Variants in PARP4 observed in about 807,000 individuals in gnomAD.
The protein encoded by PARP4 is protein mono-ADP-ribosyltransferase PARP4.
In PARP4, 120 loss-of-function variants were observed where a neutral mutation model predicts 187.7. That is an observed-to-expected ratio of 0.64 (90% CI 0.55 to 0.74). PARP4 has a LOEUF of 0.74. Ranked by LOEUF, PARP4 falls within the 30% of genes least tolerant of loss-of-function variation. PARP4 has a pLI of 0.00. For synonymous variants in PARP4, 654 were observed against 740.9 expected (o/e 0.88, Z 1.90); for missense variants, 1,836 against 2,070.5 (o/e 0.89, Z 2.20).
chr13:24,449,288 T>A (rs1332595026), intron 25 of PARP4, among the ~76,000 whole-genome samples: 4 of 148,058 alleles, frequency 2.7e-5, no homozygotes, highest in Non-Finnish European at 4.4e-5. Flanking sequence ...GTTGGGAGGC[T>A]GAGGCAGAAG....
intron 33 of PARP4, 53 bp from the exon 34 acceptor site, chr13:24,421,367 T>C (rs577307357): frequency 3.0e-6 from 2 of 673,248 alleles, no homozygotes; most frequent in South Asian, 2.0e-5. Flanking sequence ...TGAAATGTAA[T>C]GTGGTACTAA....
intron 33 of PARP4, among the ~76,000 whole-genome samples, chr13:24,423,953 G>A (rs908756341): frequency 2.6e-5 from 4 of 152,040 alleles, no homozygotes; most frequent in African/African-American, 9.7e-5. Context: ...GTGAGCCACC[G>A]TGCCCAGCAA....
At chr13:24,454,542 C>T (rs1871717745) in intron 22 of PARP4, among the ~76,000 whole-genome samples, 1 of 152,182 alleles carries the variant, frequency 6.6e-6, no homozygotes, top group African/African-American at 2.4e-5. Flanking sequence ...TTCCTGAGAC[C>T]ATTCCTTATA....
At chr13:24,470,842 C>T (rs1382412837) in intron 15 of PARP4, among the ~76,000 whole-genome samples, 3 of 151,176 alleles carry the variant, frequency 2.0e-5, no homozygotes, top group Non-Finnish European at 2.9e-5. Context: ...GGGTGCCAGG[C>T]AAAATTTTTC....
chr13:24,512,003 A>G (rs1870040300), intron 1 of PARP4, among the ~76,000 whole-genome samples: 1 of 152,242 alleles, frequency 6.6e-6, no homozygotes, highest in South Asian at 2.1e-4. Context: ...TGAGTCTGCA[A>G]CACGCACATC....
chr13:24,460,907 C>T (rs1327702070), intron 17 of PARP4, among the ~76,000 whole-genome samples: 1 of 152,102 alleles, frequency 6.6e-6, no homozygotes, highest in Non-Finnish European at 1.5e-5. Context: ...CCTCAAGTGA[C>T]TCTTCCACCT....
chr13:24,475,738 C>G, intron 14 of PARP4, 142 bp from the exon 15 acceptor site: 1 of 856,804 alleles, frequency 1.2e-6, no homozygotes, highest in South Asian at 1.7e-5. Flanking sequence ...TTTCAATAGC[C>G]AATTCTGAAA....
intron 17 of PARP4, among the ~76,000 whole-genome samples, chr13:24,466,176 A>G (rs376016148): frequency 6.6e-6 from 1 of 152,332 alleles, no homozygotes; most frequent in South Asian, 2.1e-4. Flanking sequence ...TTAGAGCAAC[A>G]ATCAAAACTT....
In PARP4 at chr13:24,493,625, TGAG is replaced by T. The variant is rs750893334; in HGVS notation, c.847_849del (p.Leu283del). 5.0e-6 allele frequency: 8 copies of T among 1,613,706 alleles called. No individual in the cohort carries two copies. The African/African-American group carries it at 1.1e-4, about 22-fold the overall frequency. ...TTGAGGCTAATCCTGTTCACTGGCT[TGAG>T]AAGCATGTGTTCCAGGTGGCCCAGG... On this transcript the variant is annotated inframe_deletion, in exon 8 of 34. Coordinates refer to ENST00000381989, the MANE Select transcript of PARP4 (RefSeq NM_006437.4).
chr13:24,421,307 G>A lies in PARP4; in HGVS notation c.4987C>T (p.Pro1663Ser). 6.3e-6 allele frequency: 8 copies of A among 1,268,302 alleles called. No homozygotes were observed. The highest frequency in any genetic ancestry group is 7.4e-6 in the Non-Finnish European group (7 of 942,634). 78.6% of individuals were successfully genotyped at this position (1,268,302 alleles called of 1,614,324 possible). Residue 1663 changes from proline (P) to serine (S), a missense_variant, in exon 34 of 34, where the codon CCC becomes TCC. By Grantham distance (74) the Pro-to-Ser change is moderately conservative. Transcript: ENST00000381989. ...TGCTTTATTGCCTCAAAAGCCCAGG[G>A]AATATTCCTAGATTAAAAAAAAAAG... ...MDDASISRNI[P>S]WAFEAIKQAS... is the part of the protein sequence containing the mutation.
chr13:24,488,235 G>A (rs1469281478), intron 10 of PARP4, among the ~76,000 whole-genome samples: 1 of 139,492 alleles, frequency 7.2e-6, no homozygotes, highest in African/African-American at 2.6e-5. Flanking sequence ...TTGCCCTCCT[G>A]ATTCTACCTT....
intron 4 of PARP4, among the ~76,000 whole-genome samples, chr13:24,499,647 C>T (rs9578749): frequency 0.41 from 62,223 of 151,872 alleles, 13,091 homozygotes; most frequent in South Asian, 0.59. Flanking sequence ...ATGGTCTCCA[C>T]GCGGCAGAGG....
rs750531672 is a variant in PARP4, at chr13:24,435,117, CAAAAG to C, written c.4019_4023del (p.Ser1340CysfsTer8). 5 of 1,613,928 alleles carry C rather than the reference CAAAAG, an allele frequency of 3.1e-6. No homozygotes were observed. The African/African-American group carries it at 6.7e-5, about 22-fold the overall frequency. On this transcript the variant is annotated frameshift_variant, in exon 31 of 34. Transcript: ENST00000381989. LOFTEE classifies it high-confidence loss of function. ...AAACTAGCTACCTGACGATATGAGG[CAAAAG>C]ACAAGGAAGCAGGACTGTGAGCGCG...
At chr13:24,472,601 T>C (rs189359070) in intron 15 of PARP4, among the ~76,000 whole-genome samples, 282 of 152,286 alleles carry the variant, frequency 1.9e-3, no homozygotes, top group Middle Eastern at 6.8e-3. Context: ...GGCCAAATCT[T>C]AGCAAACCAA....
intron 24 of PARP4, among the ~76,000 whole-genome samples, chr13:24,450,790 G>A (rs1438936678): frequency 6.6e-6 from 1 of 152,194 alleles, no homozygotes; most frequent in Non-Finnish European, 1.5e-5. Flanking sequence ...TCCAGGCATG[G>A]GCGGTGCTAA....
chr13:24,424,618 A>G (rs1869920816), intron 33 of PARP4, among the ~76,000 whole-genome samples: 1 of 151,764 alleles, frequency 6.6e-6, no homozygotes, highest in African/African-American at 2.4e-5. Context: ...TTTCTTTGTA[A>G]TATTTTTTAA....
chr13:24,504,526 G>A (rs188934390), intron 1 of PARP4, among the ~76,000 whole-genome samples: 1 of 151,858 alleles, frequency 6.6e-6, no homozygotes, highest in East Asian at 1.9e-4. Flanking sequence ...TGTTGACCAG[G>A]CTGGGCTCAA....
chr13:24,493,360 G>A (rs1868768306), intron 8 of PARP4, among the ~76,000 whole-genome samples: 2 of 152,186 alleles, frequency 1.3e-5, no homozygotes, highest in African/African-American at 4.8e-5. Context: ...CCAGAAGCCT[G>A]CCTTCGATCA....
chr13:24,451,464 C>T (rs749588990), intron 24 of PARP4, among the ~76,000 whole-genome samples: 11 of 151,968 alleles, frequency 7.2e-5, no homozygotes, highest in Non-Finnish European at 1.5e-4. Context: ...CTAGGGGTGT[C>T]GGAGGCCACA....
Sources: allele counts gnomAD v4.1 joint callset (sites outside exome capture counted in the v4.1 genomes callset), GRCh38; gene constraint gnomAD v4.1.1; transcripts MANE v1.5; gene names NCBI Gene and HGNC (gene_info 2026-07-23, HGNC 2026-07-21).